The following CNRIP1 variants were observed in gnomAD, a reference collection of about 807,000 sequenced individuals.
CNRIP1 encodes CB1 cannabinoid receptor-interacting protein 1.
CNRIP1 carries 10 observed loss-of-function variants against 15.2 expected under a neutral mutation model. That is an observed-to-expected ratio of 0.66 (90% CI 0.41 to 1.12). CNRIP1 has a LOEUF of 1.12. Ranked by LOEUF, CNRIP1 falls within the 50% of genes most tolerant of loss-of-function variation. The pLI is 0.00. For missense variants in CNRIP1, 211 were observed against 214.7 expected, an observed-to-expected ratio of 0.98 and a Z score of 0.11; for synonymous variants, 91 against 83.2, an observed-to-expected ratio of 1.09 and a Z score of -0.51.
At chr2:68,286,526 T>C (rs1159122299) in intron 2 of CNRIP1, among the ~76,000 whole-genome samples, 1 of 152,224 alleles carries the variant, frequency 6.6e-6, no homozygotes, top group East Asian at 1.9e-4. Flanking sequence ...TGTTTCAGTT[T>C]TGGGAAATTC....
intron 1 of CNRIP1, among the ~76,000 whole-genome samples, chr2:68,318,359 C>G (rs1018994985): frequency 6.6e-6 from 1 of 152,172 alleles, no homozygotes; most frequent in South Asian, 2.1e-4. Context: ...TTTCTCTCTG[C>G]AGACTAGACT....
chr2:68,291,303 T>TA (rs1171675350), downstream of CNRIP1, among the ~76,000 whole-genome samples: 3 of 152,196 alleles, frequency 2.0e-5, no homozygotes, highest in African/African-American at 7.2e-5. Context: ...CCTTTTTTTT[T>TA]TAAAGGAGTA....
chr2:68,316,873 T>C (rs951452751), intron 2 of CNRIP1: 32 of 596,990 alleles, frequency 5.4e-5, no homozygotes, highest in Non-Finnish European at 8.6e-5. Flanking sequence ...AGTTCTGAAG[T>C]AGACTATAAC....
At chr2:68,294,540 G>A (rs35494936) in intron 2 of CNRIP1, among the ~76,000 whole-genome samples, 3,681 of 152,256 alleles carry the variant, frequency 0.024, 84 homozygotes, top group Non-Finnish European at 0.04. Flanking sequence ...TACAGAAGGG[G>A]AATGGCGAAG....
chr2:68,306,976 T>G (rs183610070), intron 2 of CNRIP1, among the ~76,000 whole-genome samples: 47 of 152,332 alleles, frequency 3.1e-4, no homozygotes, highest in Middle Eastern at 3.4e-3. Flanking sequence ...TTAGATGATT[T>G]GCATGATTTT....
At chr2:68,302,999 T>C (rs548848079) in intron 2 of CNRIP1, among the ~76,000 whole-genome samples, 122 of 151,980 alleles carry the variant, frequency 8.0e-4, no homozygotes, top group Admixed American at 1.4e-3. Flanking sequence ...AGGCGCCCGC[T>C]ACCTCGCCCG....
intron 1 of CNRIP1, 146 bp from the exon 2 acceptor site, chr2:68,317,453 G>T: frequency 1.3e-6 from 1 of 771,534 alleles, no homozygotes; most frequent in Non-Finnish European, 2.1e-6. Context: ...AAGTTCAGGG[G>T]GCAGTGCTTC....
chr2:68,310,933 A>C (rs191423696), intron 2 of CNRIP1, among the ~76,000 whole-genome samples: 1 of 152,192 alleles, frequency 6.6e-6, no homozygotes, highest in Non-Finnish European at 1.5e-5. Context: ...AGATAAGCAC[A>C]AGACTAGAAA....
At position 68,319,242 on chromosome 2, in the gene CNRIP1, T is replaced by C. The variant is rs4671898; in HGVS notation, c.159A>G (p.Lys53=). Residue 53 remains lysine, a synonymous_variant, in exon 1 of 3, where the codon AAA becomes AAG. Transcript: ENST00000263655. ...GSSYKVEVKI[K]PSTLQVENIS... Reference sequence around the variant, plus strand: ...CTCACTCGACCTGCAGCGTGCTGGGTTTAATCTTCACCTCAACCTTGTAGG... The same window carrying C: ...CTCACTCGACCTGCAGCGTGCTGGGCTTAATCTTCACCTCAACCTTGTAGG... 708,809 of 1,548,084 alleles carry C rather than the reference T, an allele frequency of 0.46. 165,851 individuals carry two copies. Among genetic ancestry groups the C allele is most frequent in the Middle Eastern group, 0.52 (2,398 of 4,576 alleles).
chr2:68,293,427 C>A lies in CNRIP1; in HGVS notation c.*435G>T, dbSNP rs1471775376. 1.0e-6 allele frequency: 1 copy of A among 986,858 alleles called. No homozygotes were observed. Among genetic ancestry groups the A allele is most frequent in the Non-Finnish European group, 1.2e-6 (1 of 830,892 alleles). The allele number at this position is 986,858 out of a possible 1,614,324, so 61.1% of individuals were successfully genotyped here. ...GGCAAACACTGCAAGTTACATGTTACCATATTACACATGGGAGGACCCATA... is the reference window on the plus strand; with the variant it reads ...GGCAAACACTGCAAGTTACATGTTAACATATTACACATGGGAGGACCCATA... On this transcript the variant is annotated 3_prime_UTR_variant, in exon 3 of 3. Coordinates refer to ENST00000263655, the MANE Select transcript of CNRIP1 (RefSeq NM_015463.3).
At chr2:68,303,802 C>T (rs938453824) in intron 2 of CNRIP1, among the ~76,000 whole-genome samples, 1 of 152,168 alleles carries the variant, frequency 6.6e-6, no homozygotes, top group East Asian at 1.9e-4. Flanking sequence ...AGAGTCCAGG[C>T]GCGGTTGCTC....
chr2:68,310,712 T>TAAA (rs34235316), intron 2 of CNRIP1, among the ~76,000 whole-genome samples: 3,046 of 144,982 alleles, frequency 0.021, 44 homozygotes, highest in Middle Eastern at 0.035. Flanking sequence ...TGACCCATAT[T>TAAA]AAAAAAAAAA....
chr2:68,303,875 G>A (rs1209621984), intron 2 of CNRIP1, among the ~76,000 whole-genome samples: 2 of 152,130 alleles, frequency 1.3e-5, no homozygotes, highest in African/African-American at 4.8e-5. Context: ...TCAGGAGTTT[G>A]AGACCAGCTT....
At chr2:68,284,432 T>G in exon 3 of CNRIP1, 1 of 1,520,142 alleles carries the variant, frequency 6.6e-7, no homozygotes, top group South Asian at 1.3e-5. Flanking sequence ...ATGTGCTTAT[T>G]CTTCACATTC....
At chr2:68,294,085 G>C (rs1041575669) in intron 2 of CNRIP1, 59 bp from the exon 3 acceptor site, 20 of 1,549,616 alleles carry the variant, frequency 1.3e-5, no homozygotes, top group Non-Finnish European at 1.6e-5. Context: ...CAATAGATGA[G>C]AGCTAACATT....
At chr2:68,307,180 T>C (rs77558242) in intron 2 of CNRIP1, among the ~76,000 whole-genome samples, 25,022 of 152,250 alleles carry the variant, frequency 0.16, 3,134 homozygotes, top group East Asian at 0.58. Context: ...CAAAATGTTA[T>C]ACAATTGTAT....
chr2:68,292,414 T>G (rs1471198264), downstream of CNRIP1, among the ~76,000 whole-genome samples: 1 of 152,166 alleles, frequency 6.6e-6, no homozygotes, highest in Non-Finnish European at 1.5e-5. Context: ...AGTTCTACAA[T>G]GAATCAACTT....
At chr2:68,306,319 C>A (rs1671843423) in intron 2 of CNRIP1, among the ~76,000 whole-genome samples, 3 of 117,442 alleles carry the variant, frequency 2.6e-5, no homozygotes, top group East Asian at 4.5e-4. Context: ...GAGATCCTAT[C>A]TCAAAAAAAA....
At chr2:68,294,351 G>C (rs1671269102) in intron 2 of CNRIP1, among the ~76,000 whole-genome samples, 1 of 152,112 alleles carries the variant, frequency 6.6e-6, no homozygotes, top group African/African-American at 2.4e-5. Flanking sequence ...TGAAAACTTA[G>C]AATTTTAAAG....
Sources: gnomAD v4.1 joint callset for allele counts (sites outside exome capture counted in the v4.1 genomes callset) on GRCh38, gnomAD v4.1.1 for gene constraint, MANE v1.5 for transcripts, NCBI Gene and HGNC (gene_info 2026-07-23, HGNC 2026-07-21) for gene names.